The following PPP2R5E variants were observed in gnomAD, a reference collection of about 807,000 sequenced individuals.
PPP2R5E encodes protein phosphatase 2 regulatory subunit B'epsilon.
PPP2R5E carries 4 observed loss-of-function variants against 65.3 expected under a neutral mutation model. The ratio of observed to expected loss-of-function variants is 0.06; its 90% CI spans 0.03 to 0.14. The LOEUF (loss-of-function observed/expected upper bound fraction) is 0.14. Ranked by LOEUF, PPP2R5E falls within the 10% of genes least tolerant of loss-of-function variation. The probability of loss-of-function intolerance (pLI) is 1.00; values close to 1 mark genes in which losing one functional copy is unlikely to be tolerated. For missense variants in PPP2R5E, 274 were observed against 556.1 expected (o/e 0.49, Z 5.10); for synonymous variants, 183 against 187.4 (o/e 0.98, Z 0.19).
intron 2 of PPP2R5E, chr14:63,479,214 A>G (rs977860712): frequency 5.9e-5 from 9 of 152,194 alleles, no homozygotes; most frequent in Non-Finnish European, 7.3e-5. Context: ...ATGAAAACAC[A>G]CAGAGATACA....
chr14:63,477,894 A>C (rs931601926), intron 2 of PPP2R5E, among the ~76,000 whole-genome samples: 7 of 151,930 alleles, frequency 4.6e-5, no homozygotes, highest in Non-Finnish European at 8.8e-5. Flanking sequence ...TGTATACTGA[A>C]ACTACAAATC....
intron 2 of PPP2R5E, among the ~76,000 whole-genome samples, chr14:63,498,053 G>A (rs934800188): frequency 5.3e-5 from 8 of 152,164 alleles, no homozygotes; most frequent in Non-Finnish European, 1.2e-4. Context: ...GTCTTATTTT[G>A]AGCATGATGT....
chr14:63,378,090 G>A (rs542675729), intron 13 of PPP2R5E, among the ~76,000 whole-genome samples: 2 of 152,256 alleles, frequency 1.3e-5, no homozygotes, highest in South Asian at 2.1e-4. Context: ...TTGTTTCTCA[G>A]TACAGTCTGG....
chr14:63,534,278 T>C (rs375920310), intron 2 of PPP2R5E, among the ~76,000 whole-genome samples: 1 of 152,150 alleles, frequency 6.6e-6, no homozygotes, highest in Non-Finnish European at 1.5e-5. Flanking sequence ...AAGGAAAGTA[T>C]CCAAGTCTTG....
At position 63,389,749 on chromosome 14, in the gene PPP2R5E, A is replaced by C; in HGVS notation, c.955-18T>G. ...AACATGACCTGTAAGTACAAGCAAA[A>C]TACAAGATGTGAGGCACATCATGAA... On this transcript the variant is annotated intron_variant, in intron 10 of 13. Coordinates refer to ENST00000337537, the MANE Select transcript of PPP2R5E (RefSeq NM_006246.5). 6.4e-7 allele frequency: 1 copy of C among 1,573,630 alleles called. No homozygotes were observed. The highest frequency in any genetic ancestry group is 1.2e-5 in the South Asian group (1 of 83,790).
intron 7 of PPP2R5E, 42 bp from the exon 8 acceptor site, chr14:63,393,970 A>G: frequency 8.5e-7 from 1 of 1,173,450 alleles, no homozygotes. Context: ...TGTTACCACA[A>G]GTTGAACTGA....
intron 2 of PPP2R5E, among the ~76,000 whole-genome samples, chr14:63,493,646 T>C (rs1460586395): frequency 7.8e-6 from 1 of 128,472 alleles, no homozygotes; most frequent in Non-Finnish European, 1.5e-5. Flanking sequence ...CTCAAGCTGT[T>C]AGTTTTGCAC....
chr14:63,466,504 G>A (rs973187454), intron 2 of PPP2R5E, among the ~76,000 whole-genome samples: 2 of 152,124 alleles, frequency 1.3e-5, no homozygotes, highest in African/African-American at 4.8e-5. Context: ...GTAGTACACA[G>A]GCATGTAGTA....
intron 13 of PPP2R5E, among the ~76,000 whole-genome samples, chr14:63,379,949 C>T (rs1246230847): frequency 1.3e-5 from 2 of 149,080 alleles, no homozygotes; most frequent in African/African-American, 4.9e-5. Flanking sequence ...ACCCTCCCAA[C>T]TCAGTCTCCC....
intron 3 of PPP2R5E, among the ~76,000 whole-genome samples, chr14:63,430,065 G>A (rs1034482177): frequency 1.3e-4 from 20 of 151,862 alleles, no homozygotes; most frequent in Admixed American, 3.9e-4. Context: ...AAAGAAAATA[G>A]GCAAATCATC....
At chr14:63,429,121 A>G (rs961495220) in intron 3 of PPP2R5E, among the ~76,000 whole-genome samples, 3 of 152,228 alleles carry the variant, frequency 2.0e-5, no homozygotes, top group Non-Finnish European at 2.9e-5. Flanking sequence ...CTGGGCATGT[A>G]ATGTGATCAG....
intron 2 of PPP2R5E, among the ~76,000 whole-genome samples, chr14:63,495,355 T>G (rs1378335971): frequency 6.7e-6 from 1 of 148,360 alleles, no homozygotes; most frequent in Non-Finnish European, 1.5e-5. Context: ...GCAGACCACT[T>G]GAGGTCAGGA....
At chr14:63,527,792 G>A (rs964442861) in intron 2 of PPP2R5E, among the ~76,000 whole-genome samples, 1 of 152,064 alleles carries the variant, frequency 6.6e-6, no homozygotes, top group Non-Finnish European at 1.5e-5. Flanking sequence ...AAACTTAGCT[G>A]GGCGTGGTGG....
At chr14:63,497,773 A>AC (rs1424832028) in intron 2 of PPP2R5E, among the ~76,000 whole-genome samples, 15 of 151,796 alleles carry the variant, frequency 9.9e-5, no homozygotes, top group Non-Finnish European at 2.2e-4. Flanking sequence ...CAAACAAAAA[A>AC]AAACAAACAC....
intron 3 of PPP2R5E, among the ~76,000 whole-genome samples, chr14:63,445,529 T>C (rs7154559): frequency 0.36 from 55,078 of 152,026 alleles, 13,894 homozygotes; most frequent in African/African-American, 0.72. Context: ...GCTGAGGTGG[T>C]TGTGGCACGT....
chr14:63,467,262 A>C (rs577475178), intron 2 of PPP2R5E, among the ~76,000 whole-genome samples: 8 of 151,104 alleles, frequency 5.3e-5, no homozygotes, highest in Non-Finnish European at 8.8e-5. Flanking sequence ...CACTATTTAC[A>C]ACATGTTCCT....
chr14:63,480,819 CT>C (rs1381088305), intron 2 of PPP2R5E, among the ~76,000 whole-genome samples: 1 of 152,164 alleles, frequency 6.6e-6, no homozygotes, highest in Non-Finnish European at 1.5e-5. Flanking sequence ...ACTGCAAATT[CT>C]TCTTTTTCAG....
intron 3 of PPP2R5E, among the ~76,000 whole-genome samples, chr14:63,441,637 C>T (rs765446819): frequency 3.3e-5 from 5 of 152,130 alleles, no homozygotes; most frequent in East Asian, 3.9e-4. Flanking sequence ...CACAGCAGGG[C>T]GCGGTGGTTC....
In PPP2R5E at chr14:63,393,943, G is replaced by C. The variant is rs1594822065; in HGVS notation, c.741-15C>G. On this transcript the variant is annotated splice_polypyrimidine_tract_variant and intron_variant, in intron 7 of 13. Coordinates refer to ENST00000337537, the MANE Select transcript of PPP2R5E (RefSeq NM_006246.5). ...CATTGATAATACTAGGGAGAAAAAA[G>C]AGACACAAATTAGCAATGTTACCAC... The C allele has an allele frequency of 2.7e-6, 4 of 1,475,998 alleles. 1 individual carries two copies. In the South Asian group the frequency reaches 4.6e-5, roughly 17 times the overall value. 91.4% of individuals were successfully genotyped at this position (1,475,998 alleles called of 1,614,324 possible). A position where few individuals can be genotyped will look rare whatever the true frequency, so the allele number is the denominator to read the frequency against.
Sources: gnomAD v4.1 joint callset for allele counts (sites outside exome capture counted in the v4.1 genomes callset) on GRCh38, gnomAD v4.1.1 for gene constraint, MANE v1.5 for transcripts, NCBI Gene and HGNC (gene_info 2026-07-23, HGNC 2026-07-21) for gene names.